The following DPH6 variants were observed in gnomAD, a reference collection of about 807,000 sequenced individuals.
DPH6 encodes the protein diphthamine biosynthesis 6.
DPH6 carries 33 observed loss-of-function variants against 38.2 expected under a neutral mutation model. The observed-to-expected ratio is 0.86, with a 90% CI of 0.65 to 1.15. DPH6 has a LOEUF of 1.15. DPH6 is among the 50% of genes most tolerant of loss of function. The pLI, the probability that DPH6 is intolerant of heterozygous loss-of-function variation, is 0.00. For missense variants in DPH6, 325 were observed against 320.0 expected (o/e 1.02, Z -0.12); for synonymous variants, 108 against 103.0 (o/e 1.05, Z -0.30).
intron 3 of DPH6, among the ~76,000 whole-genome samples, chr15:35,473,957 TGC>T (rs1191722971): frequency 0.028 from 1,067 of 38,470 alleles, 15 homozygotes; most frequent in Middle Eastern, 0.037. Flanking sequence ...TGTGTGTGTG[TGC>T]GCGCGCGCGC....
chr15:35,245,232 C>CTTTTTTTTTTTTT (rs71123123), intron 3 of DPH6, among the ~76,000 whole-genome samples: 4 of 81,384 alleles, frequency 4.9e-5, no homozygotes, highest in East Asian at 3.8e-4. Flanking sequence ...ATTGTTCTTG[C>CTTTTTTTTTTTTT]TTTTTTTTTT....
At position 35,428,907 on chromosome 15, in the gene DPH6, G is replaced by T. The variant is rs191168094; in HGVS notation, c.506-18011C>A. 3.6e-3 allele frequency among the ~76,000 whole-genome samples: 540 copies of T among 152,024 alleles called. 5 individuals are homozygous for T. Among genetic ancestry groups the T allele is most frequent in the African/African-American group, 0.012 (517 of 41,476 alleles). On this transcript the variant is annotated intron_variant, in intron 5 of 8. Coordinates refer to ENST00000256538, the MANE Select transcript of DPH6 (RefSeq NM_080650.4). ...ATGCAATCTTTCCCTTTTACAAAAA[G>T]CAATTTCTGTTAATTGTAGGAAATA... is the stretch of plus-strand genomic sequence containing the variant.
chr15:35,394,933 T>C (rs1212814566), intron 6 of DPH6, among the ~76,000 whole-genome samples: 1 of 152,208 alleles, frequency 6.6e-6, no homozygotes, highest in Non-Finnish European at 1.5e-5. Context: ...AAGTTATGTT[T>C]GACTCTTCGT....
chr15:35,516,540 G>A (rs942404882), intron 3 of DPH6, among the ~76,000 whole-genome samples: 2 of 152,028 alleles, frequency 1.3e-5, no homozygotes, highest in Non-Finnish European at 2.9e-5. Flanking sequence ...AGAACAAAGC[G>A]GAGTCAAACC....
chr15:35,311,929 G>A (rs2140826401), intron 3 of DPH6, among the ~76,000 whole-genome samples: 1 of 145,376 alleles, frequency 6.9e-6, no homozygotes, highest in South Asian at 2.2e-4. Context: ...TCCTTCCAAC[G>A]CTAAATTTTA....
At chr15:35,298,650 C>G in intron 3 of DPH6, 1 of 1,212,906 alleles carries the variant, frequency 8.2e-7, no homozygotes, top group East Asian at 2.3e-5. Flanking sequence ...CTGGTCTTCT[C>G]CACCGAAAAG....
intron 3 of DPH6, among the ~76,000 whole-genome samples, chr15:35,491,559 A>C (rs1374663353): frequency 4.7e-5 from 7 of 150,308 alleles, no homozygotes; most frequent in Non-Finnish European, 1.0e-4. Context: ...ACACACACAC[A>C]CACACACACA....
chr15:35,516,555 A>G (rs916871471), intron 3 of DPH6, among the ~76,000 whole-genome samples: 5 of 152,202 alleles, frequency 3.3e-5, no homozygotes, highest in African/African-American at 1.2e-4. Flanking sequence ...CAAACCCTAG[A>G]GTCCCCACTT....
intron 3 of DPH6, among the ~76,000 whole-genome samples, chr15:35,244,493 T>C (rs1033732082): frequency 6.6e-6 from 1 of 152,226 alleles, no homozygotes; most frequent in Non-Finnish European, 1.5e-5. Flanking sequence ...CATTTTCTCT[T>C]TTCTAACACA....
intron 4 of DPH6, among the ~76,000 whole-genome samples, chr15:35,452,208 G>C (rs1174406885): frequency 6.6e-6 from 1 of 151,918 alleles, no homozygotes; most frequent in Admixed American, 6.6e-5. Flanking sequence ...CACTAGTTTC[G>C]TGCCTTTGCT....
downstream of DPH6, among the ~76,000 whole-genome samples, chr15:35,216,490 C>T (rs949083907): frequency 6.6e-6 from 1 of 152,070 alleles, no homozygotes; most frequent in African/African-American, 2.4e-5. Flanking sequence ...TTGCTTCTTA[C>T]AATAGTCTGA....
the DPH6 span, among the ~76,000 whole-genome samples, chr15:35,148,669 C>CAT: frequency 1.3e-5 from 2 of 152,120 alleles, no homozygotes; most frequent in African/African-American, 4.8e-5. Context: ...GACCCGGAGG[C>CAT]ATATATATTC....
intron 3 of DPH6, among the ~76,000 whole-genome samples, chr15:35,296,495 A>T (rs1271843300): frequency 6.6e-6 from 1 of 152,062 alleles, no homozygotes; most frequent in East Asian, 1.9e-4. Flanking sequence ...TCTGGCTCAG[A>T]TTCTAGGCTC....
intron 3 of DPH6, among the ~76,000 whole-genome samples, chr15:35,239,952 A>G (rs2140400169): frequency 7.3e-6 from 1 of 136,848 alleles, no homozygotes; most frequent in African/African-American, 2.6e-5. Flanking sequence ...CCGTGCCCTA[A>G]CCCCTTCTCT....
chr15:35,194,506 C>CAAT, the DPH6 span, among the ~76,000 whole-genome samples: 1 of 152,172 alleles, frequency 6.6e-6, no homozygotes, highest in Non-Finnish European at 1.5e-5. Flanking sequence ...TCAGAGCACA[C>CAAT]AATAGCTCTA....
intron 3 of DPH6, among the ~76,000 whole-genome samples, chr15:35,498,325 A>T (rs1400162992): frequency 2.0e-5 from 3 of 152,208 alleles, no homozygotes; most frequent in Admixed American, 2.0e-4. Flanking sequence ...TTATACTGGT[A>T]CTAGTTCTTA....
chr15:35,311,252 C>T (rs1041475628), intron 3 of DPH6, among the ~76,000 whole-genome samples: 2 of 152,074 alleles, frequency 1.3e-5, no homozygotes, highest in Non-Finnish European at 2.9e-5. Context: ...TTAAAAACAA[C>T]AGGTTTTAAA....
intron 3 of DPH6, among the ~76,000 whole-genome samples, chr15:35,305,744 G>GT (rs1028293814): frequency 3.3e-5 from 5 of 150,336 alleles, no homozygotes; most frequent in South Asian, 2.1e-4. Flanking sequence ...AAGAAATTTT[G>GT]TTTTTTTATA....
At chr15:35,268,572 T>C (rs970354645) in intron 3 of DPH6, among the ~76,000 whole-genome samples, 1 of 151,720 alleles carries the variant, frequency 6.6e-6, no homozygotes, top group Non-Finnish European at 1.5e-5. Flanking sequence ...TCTGCTGCTT[T>C]AAAAAAATTT....
Sources: gnomAD v4.1 joint callset for allele counts (sites outside exome capture counted in the v4.1 genomes callset) on GRCh38, gnomAD v4.1.1 for gene constraint, MANE v1.5 for transcripts, NCBI Gene and HGNC (gene_info 2026-07-23, HGNC 2026-07-21) for gene names.